Variants in ANKRD17 observed in about 807,000 individuals in gnomAD.
ANKRD17 encodes ankyrin repeat domain-containing protein 17.
Under a neutral mutation model 229.7 loss-of-function variants are expected in ANKRD17, and 19 were observed. The observed-to-expected ratio is 0.08, with a 90% confidence interval of 0.06 to 0.12. The LOEUF (loss-of-function observed/expected upper bound fraction) is 0.12. Ranked by LOEUF, ANKRD17 falls within the 10% of genes least tolerant of loss-of-function variation. The probability of loss-of-function intolerance (pLI) is 1.00; values close to 1 mark genes in which losing one functional copy is unlikely to be tolerated. For missense variants in ANKRD17, 2,176 were observed against 3,176.8 expected, an observed-to-expected ratio of 0.68 and a Z score of 7.57; for synonymous variants, 1,112 against 1,146.1, an observed-to-expected ratio of 0.97 and a Z score of 0.60.
chr4:73,182,051 CAAAAAAAAAAAAAAAAAAAAAAAAAAAA>C (rs143812968), intron 1 of ANKRD17, among the ~76,000 whole-genome samples: 4 of 43,246 alleles, frequency 9.2e-5, no homozygotes, highest in African/African-American at 2.2e-4. Flanking sequence ...CCGTCCCCAC[CAAAAAAAAAAAAAAAAAAAAAAAAAAAA>C]AAAAAAAAAA....
intron 1 of ANKRD17, among the ~76,000 whole-genome samples, chr4:73,221,928 G>C (rs1741908102): frequency 6.6e-6 from 1 of 152,156 alleles, no homozygotes; most frequent in South Asian, 2.1e-4. Context: ...CATTGATCAT[G>C]CAGCACTTTA....
chr4:73,204,560 G>T (rs911452549), intron 1 of ANKRD17, among the ~76,000 whole-genome samples: 1 of 152,064 alleles, frequency 6.6e-6, no homozygotes, highest in East Asian at 1.9e-4. Flanking sequence ...GATAGAAAAT[G>T]ATACCTAATA....
At chr4:73,254,093 C>T (rs1745251426) in intron 1 of ANKRD17, among the ~76,000 whole-genome samples, 1 of 152,200 alleles carries the variant, frequency 6.6e-6, no homozygotes, top group African/African-American at 2.4e-5. Context: ...AAGCAAGCTT[C>T]TCTGGGCTAA....
At chr4:73,086,383 T>A (rs998644191) in intron 29 of ANKRD17, among the ~76,000 whole-genome samples, 3 of 152,160 alleles carry the variant, frequency 2.0e-5, no homozygotes, top group Non-Finnish European at 2.9e-5. Flanking sequence ...CATTTTTTTT[T>A]AAATGTTTAT....
intron 1 of ANKRD17, among the ~76,000 whole-genome samples, chr4:73,236,796 A>C (rs1743553314): frequency 6.6e-6 from 1 of 152,182 alleles, no homozygotes; most frequent in Non-Finnish European, 1.5e-5. Context: ...TCCATTCTTT[A>C]GAAAAACTCT....
chr4:73,218,580 T>C (rs535333537), intron 1 of ANKRD17, among the ~76,000 whole-genome samples: 11 of 149,554 alleles, frequency 7.4e-5, no homozygotes, highest in Non-Finnish European at 1.5e-4. Context: ...GAGGGGGAGG[T>C]TGCAGTGAGC....
At chr4:73,255,198 G>A (rs1338395083) in intron 1 of ANKRD17, among the ~76,000 whole-genome samples, 1 of 152,118 alleles carries the variant, frequency 6.6e-6, no homozygotes, top group East Asian at 1.9e-4. Flanking sequence ...CTACTCCAAT[G>A]TCTAGAAATT....
At chr4:73,179,488 G>GTATATATATATATATA (rs1169079744) in intron 1 of ANKRD17, among the ~76,000 whole-genome samples, 12 of 48,214 alleles carry the variant, frequency 2.5e-4, no homozygotes, top group African/African-American at 1.1e-3. Flanking sequence ...GTGTGTGTGT[G>GTATATATATATATATA]TATATATATA....
chr4:73,077,021 A>G lies in ANKRD17; in HGVS notation c.7671T>C (p.Asn2557=), dbSNP rs763944544. The part of the protein sequence containing the change: ...IPDGAGGPIF[N]GPHAADPSWN... ...AAGAAGGGTCTGCAGCATGAGGGCC[A>G]TTAAATATGGGTCCTCCAGCACCAT... is the stretch of plus-strand genomic sequence containing the variant. The change falls in exon 33 of 34, where the codon AAT becomes AAC. Residue 2557 remains asparagine (N), a synonymous_variant. Transcript: ENST00000358602. The G allele has an allele frequency of 4.3e-6, 7 of 1,613,760 alleles. No individual in the cohort carries two copies. The highest frequency in any genetic ancestry group is 1.3e-5 in the African/African-American group (1 of 74,934).
At chr4:73,090,621 C>T in intron 29 of ANKRD17, 46 bp downstream of exon 29, 2 of 1,607,680 alleles carry the variant, frequency 1.2e-6, no homozygotes, top group South Asian at 1.1e-5. Context: ...TTTCACATCA[C>T]TTGTGCAAAT....
chr4:73,131,972 A>C (rs557931385), intron 16 of ANKRD17, among the ~76,000 whole-genome samples: 10 of 152,312 alleles, frequency 6.6e-5, no homozygotes, highest in Middle Eastern at 3.4e-3. Context: ...ACACATAATC[A>C]AAGTACCCAC....
intron 1 of ANKRD17, among the ~76,000 whole-genome samples, chr4:73,214,908 TA>T (rs1420575257): frequency 2.0e-5 from 3 of 147,578 alleles, no homozygotes; most frequent in African/African-American, 7.5e-5. Context: ...CAGTCTTGAA[TA>T]TATTACTTTA....
intron 11 of ANKRD17, 93 bp downstream of exon 11, chr4:73,144,652 T>C: frequency 7.0e-6 from 5 of 718,744 alleles, no homozygotes; most frequent in Non-Finnish European, 8.5e-6. Flanking sequence ...TATGATACCC[T>C]CTTGCCTTCA....
At chr4:73,117,734 C>A (rs2148678675) in intron 22 of ANKRD17, among the ~76,000 whole-genome samples, 1 of 152,246 alleles carries the variant, frequency 6.6e-6, no homozygotes, top group East Asian at 1.9e-4. Context: ...CTCCAAATGA[C>A]AAAACTCAAA....
chr4:73,093,996 C>A, intron 28 of ANKRD17, 83 bp downstream of exon 28: 5 of 1,308,284 alleles, frequency 3.8e-6, no homozygotes, highest in Non-Finnish European at 5.3e-6. Context: ...ACACAAAGTT[C>A]CACTGAAAAC....
At chr4:73,116,069 T>G (rs1212459226) in intron 22 of ANKRD17, among the ~76,000 whole-genome samples, 153 bp from the exon 23 acceptor site, 2 of 152,082 alleles carry the variant, frequency 1.3e-5, no homozygotes, top group African/African-American at 4.8e-5. Flanking sequence ...AGGCTTTGGT[T>G]CCAGTGAGTT....
intron 15 of ANKRD17, among the ~76,000 whole-genome samples, chr4:73,138,611 G>T (rs1189055437): frequency 6.6e-6 from 1 of 151,874 alleles, no homozygotes; most frequent in African/African-American, 2.4e-5. Flanking sequence ...ATAAAAAAGG[G>T]GAAGAGATCA....
chr4:73,095,983 G>C (rs945779499), intron 27 of ANKRD17, among the ~76,000 whole-genome samples: 1 of 152,110 alleles, frequency 6.6e-6, no homozygotes, highest in African/African-American at 2.4e-5. Flanking sequence ...AGCCACAGGT[G>C]TCAGGCCCGA....
chr4:73,209,151 A>G (rs1453009192), intron 1 of ANKRD17, among the ~76,000 whole-genome samples: 1 of 152,218 alleles, frequency 6.6e-6, no homozygotes, highest in Admixed American at 6.5e-5. Flanking sequence ...GGTTGTAGTG[A>G]GCCAAGATCG....
Sources: allele counts gnomAD v4.1 joint callset (sites outside exome capture counted in the v4.1 genomes callset), GRCh38; gene constraint gnomAD v4.1.1; transcripts MANE v1.5; gene names NCBI Gene and HGNC (gene_info 2026-07-23, HGNC 2026-07-21).